The following NCOA3 variants were observed in gnomAD, a reference collection of about 807,000 sequenced individuals.
NCOA3 encodes the protein CBP-interacting protein.
Under a neutral mutation model 158.8 loss-of-function variants are expected in NCOA3, and 51 were observed. The ratio of observed to expected loss-of-function variants is 0.32; its 90% CI spans 0.26 to 0.41. The LOEUF is 0.41. Ranked by LOEUF, NCOA3 falls within the 10% of genes least tolerant of loss-of-function variation. The probability of loss-of-function intolerance (pLI) is 1.00; values close to 1 mark genes in which losing one functional copy is unlikely to be tolerated. For missense variants in NCOA3, 1,510 were observed against 1,746.6 expected (o/e 0.86, Z 2.41); for synonymous variants, 537 against 592.4 (o/e 0.91, Z 1.36).
At chr20:47,545,968 A>G (rs1012082073) in intron 1 of NCOA3, among the ~76,000 whole-genome samples, 2 of 151,664 alleles carry the variant, frequency 1.3e-5, no homozygotes, top group South Asian at 2.1e-4. Flanking sequence ...TCCCACCTCA[A>G]CCTTCCAAAG....
At chr20:47,574,764 C>A (rs2085347297) in intron 1 of NCOA3, among the ~76,000 whole-genome samples, 1 of 152,126 alleles carries the variant, frequency 6.6e-6, no homozygotes, top group African/African-American at 2.4e-5. Context: ...TCATGCTTAG[C>A]ATTGTGTTGA....
intron 2 of NCOA3, among the ~76,000 whole-genome samples, chr20:47,615,169 G>A (rs914933994): frequency 5.9e-5 from 9 of 152,118 alleles, no homozygotes; most frequent in African/African-American, 2.2e-4. Context: ...ACTCTGGAGG[G>A]TCATGGTAAA....
chr20:47,505,458 C>T (rs191681873), intron 1 of NCOA3, among the ~76,000 whole-genome samples: 13 of 151,976 alleles, frequency 8.6e-5, no homozygotes, highest in South Asian at 2.1e-4. Context: ...GCATATTAGC[C>T]GCCAGTGACT....
chr20:47,615,878 C>T (rs540859986), intron 2 of NCOA3, among the ~76,000 whole-genome samples: 3 of 152,218 alleles, frequency 2.0e-5, no homozygotes, highest in Non-Finnish European at 2.9e-5. Context: ...GTAATTGTGA[C>T]GAGACGTGGT....
At chr20:47,638,978 A>G (rs2086561397) in intron 13 of NCOA3, 30 bp from the exon 14 acceptor site, 1 of 1,527,204 alleles carries the variant, frequency 6.5e-7, no homozygotes, top group Non-Finnish European at 8.9e-7. Context: ...TAAATCACGA[A>G]GAAATGTTTT....
chr20:47,536,985 ATT>A (rs1249182719), intron 1 of NCOA3, among the ~76,000 whole-genome samples: 3 of 146,738 alleles, frequency 2.0e-5, no homozygotes, highest in Non-Finnish European at 4.5e-5. Context: ...TTTTTTTTGT[ATT>A]TTTAGTAGAG....
intron 1 of NCOA3, among the ~76,000 whole-genome samples, chr20:47,564,573 G>A (rs560737539): frequency 6.8e-5 from 10 of 147,712 alleles, no homozygotes; most frequent in Admixed American, 6.8e-4. Flanking sequence ...GTAGAATATT[G>A]TAGTGAATAT....
chr20:47,655,701 T>TTTAAG lies in NCOA3; in HGVS notation c.*2288_*2292dup, dbSNP rs1384513972. On this transcript the variant is annotated 3_prime_UTR_variant, in exon 23 of 23. Transcript: ENST00000371998. ...TCAGCTCAATTGTATCTGACCCTTC[T>TTTAAG]TTAAGTTATGTGTGTGGGGAGAAAT... 1 of 152,600 alleles carries TTTAAG rather than the reference T, an allele frequency of 6.6e-6. No homozygotes were observed. The highest frequency in any genetic ancestry group is 1.5e-5 in the Non-Finnish European group (1 of 68,034). 9.5% of individuals were successfully genotyped at this position (152,600 alleles called of 1,614,324 possible).
intron 1 of NCOA3, among the ~76,000 whole-genome samples, chr20:47,505,531 G>A (rs1004989666): frequency 1.3e-5 from 2 of 151,828 alleles, no homozygotes; most frequent in South Asian, 4.1e-4. Flanking sequence ...AAGCTATCTA[G>A]GATTAGAAAA....
intron 1 of NCOA3, among the ~76,000 whole-genome samples, chr20:47,505,406 A>G (rs1486731426): frequency 6.6e-6 from 1 of 152,058 alleles, no homozygotes; most frequent in Non-Finnish European, 1.5e-5. Context: ...CAGAGGAGGT[A>G]GAGTACTTTT....
intron 6 of NCOA3, 67 bp downstream of exon 6, chr20:47,627,243 GAATGT>G: frequency 7.7e-7 from 1 of 1,302,528 alleles, no homozygotes; most frequent in Non-Finnish European, 1.1e-6. Context: ...TTAGAAAATT[GAATGT>G]ATCTTTTAGG....
rs2086879156 is a variant in NCOA3, at chr20:47,656,590, C to CTGTT, written c.*3174_*3177dup. On this transcript the variant is annotated 3_prime_UTR_variant, in exon 23 of 23. Transcript: ENST00000371998. Reference sequence around the variant, plus strand: ...TTATTGTTTTCAACTCCAAGGCACACTGTTAATAAACGAGCAGGGTGTTTT... The same window carrying CTGTT: ...TTATTGTTTTCAACTCCAAGGCACACTGTTTGTTAATAAACGAGCAGGGTGTTTT... 2 of 152,594 alleles carry CTGTT rather than the reference C, an allele frequency of 1.3e-5. No homozygotes were observed. The highest frequency in any genetic ancestry group is 3.9e-4 in the East Asian group (2 of 5,194). The allele number at this position is 152,594 out of a possible 1,614,324, so 9.5% of individuals were successfully genotyped here.
At position 47,505,003 on chromosome 20, in the gene NCOA3, G is replaced by GTTTTTTTTTTTTTTTTTTTTTT; in HGVS notation, c.-99+2989_-99+3010dup. ...TAAAATAAATGGCTTTGGGTTTTTG[G>GTTTTTTTTTTTTTTTTTTTTTT]TTTTTTTTTTTTTTTTTTTTTTTTT... On this transcript the variant is annotated intron_variant, in intron 1 of 22. Transcript: ENST00000371998. Among the ~76,000 whole-genome samples the GTTTTTTTTTTTTTTTTTTTTTT allele has an allele frequency of 7.0e-5, 2 of 28,542 alleles. 1 individual carries two copies. Among genetic ancestry groups the GTTTTTTTTTTTTTTTTTTTTTT allele is most frequent in the Admixed American group, 1.4e-3 (2 of 1,404 alleles). 18.7% of individuals were successfully genotyped at this position (28,542 alleles called of 152,430 possible).
chr20:47,623,858 T>A, intron 3 of NCOA3, 53 bp from the exon 4 acceptor site: 2 of 1,522,654 alleles, frequency 1.3e-6, no homozygotes, highest in Admixed American at 2.1e-5. Flanking sequence ...ACAGCTCTTT[T>A]GTGATATATA....
intron 1 of NCOA3, among the ~76,000 whole-genome samples, chr20:47,559,910 C>A (rs1345570856): frequency 6.6e-6 from 1 of 151,934 alleles, no homozygotes; most frequent in Non-Finnish European, 1.5e-5. Context: ...CCTTGGCCTC[C>A]CAAAGTGCTA....
chr20:47,557,480 C>G (rs1048212226), intron 1 of NCOA3, among the ~76,000 whole-genome samples: 4 of 152,220 alleles, frequency 2.6e-5, no homozygotes, highest in African/African-American at 9.6e-5. Context: ...TGGTAACACA[C>G]TGGGGTTTAA....
Position 47,554,523 on chromosome 20 carries a change from A to G in NCOA3, c.-98-28660A>G, listed in dbSNP as rs146133284. On this transcript the variant is annotated intron_variant, in intron 1 of 22. Coordinates refer to ENST00000371998, the MANE Select transcript of NCOA3 (RefSeq NM_181659.3). ...CTTCAGCAAAGTCTCAGGATACAAA[A>G]TCAATGTGCAAAAATCACAAGCATT... 3.9e-3 allele frequency among the ~76,000 whole-genome samples: 597 copies of G among 151,388 alleles called. 10 individuals are homozygous for G. Among genetic ancestry groups the G allele is most frequent in the African/African-American group, 0.014 (564 of 40,772 alleles).
At chr20:47,650,898 C>A in intron 19 of NCOA3, 84 bp from the exon 20 acceptor site, 1 of 1,291,528 alleles carries the variant, frequency 7.7e-7, no homozygotes, top group Non-Finnish European at 1.1e-6. Flanking sequence ...TGTCTTATAC[C>A]TGGTGTATTG....
chr20:47,581,910 G>A (rs980045427), intron 1 of NCOA3, among the ~76,000 whole-genome samples: 7 of 152,262 alleles, frequency 4.6e-5, no homozygotes, highest in Non-Finnish European at 7.4e-5. Flanking sequence ...AAACATCTGA[G>A]CCTTTCCTCT....
Sources: allele counts gnomAD v4.1 joint callset (sites outside exome capture counted in the v4.1 genomes callset), GRCh38; gene constraint gnomAD v4.1.1; transcripts MANE v1.5; gene names NCBI Gene and HGNC (gene_info 2026-07-23, HGNC 2026-07-21).